OR2L13: variants seen among roughly 807,000 people sequenced by gnomAD.
The protein encoded by OR2L13 is olfactory receptor family 2 subfamily L member 13, also known as olfactory receptor 2L13.
Under a neutral mutation model 15.3 loss-of-function variants are expected in OR2L13, and 14 were observed. The ratio of observed to expected loss-of-function variants is 0.91; its 90% CI spans 0.60 to 1.43. OR2L13 has a LOEUF of 1.43. Among genes scored for constraint, OR2L13 ranks in the 40% most tolerant of loss-of-function variants. The pLI, the probability that OR2L13 is intolerant of heterozygous loss-of-function variation, is 0.00. For missense variants in OR2L13, 367 were observed against 387.9 expected (o/e 0.95, Z 0.45); for synonymous variants, 152 against 142.9 (o/e 1.06, Z -0.45).
chr1:247,980,134 G>A, the OR2L13 span, among the ~76,000 whole-genome samples: 1 of 151,982 alleles, frequency 6.6e-6, no homozygotes, highest in African/African-American at 2.4e-5. Flanking sequence ...GTACATTTAA[G>A]ATACTCTTTG....
the OR2L13 span, chr1:248,013,872 A>C: frequency 4.7e-4 from 71 of 152,304 alleles, no homozygotes; most frequent in African/African-American, 1.4e-3. Context: ...TCTGTTAAGA[A>C]AATTCAGCAG....
the OR2L13 span, chr1:248,013,668 A>G: frequency 1.3e-5 from 2 of 152,192 alleles, no homozygotes; most frequent in Non-Finnish European, 2.9e-5. Context: ...GACTTTGTTC[A>G]TATGATGACT....
At chr1:248,047,617 T>C in the OR2L13 span, among the ~76,000 whole-genome samples, 11 of 152,200 alleles carry the variant, frequency 7.2e-5, no homozygotes, top group Non-Finnish European at 8.8e-5. Context: ...ACTTTTACAA[T>C]GTATTTATTT....
the OR2L13 span, chr1:247,949,027 C>T: frequency 6.2e-7 from 1 of 1,613,770 alleles, no homozygotes; most frequent in Non-Finnish European, 8.5e-7. Context: ...CTCCACACAC[C>T]CATGTATTTC....
chr1:248,067,922 AG>A, the OR2L13 span, among the ~76,000 whole-genome samples: 2 of 152,212 alleles, frequency 1.3e-5, no homozygotes, highest in Non-Finnish European at 2.9e-5. Context: ...TCAAACTGCA[AG>A]GTGGCAGCGA....
the OR2L13 span, among the ~76,000 whole-genome samples, chr1:248,051,855 G>A: frequency 6.6e-6 from 1 of 151,954 alleles, no homozygotes; most frequent in African/African-American, 2.4e-5. Flanking sequence ...AAGTTTTGGA[G>A]GAATTACAAT....
At chr1:247,978,044 G>A in the OR2L13 span, among the ~76,000 whole-genome samples, 2 of 152,126 alleles carry the variant, frequency 1.3e-5, no homozygotes, top group African/African-American at 4.8e-5. Context: ...TGGACTTCCT[G>A]GGTCGGGTGG....
chr1:247,984,298 G>A, the OR2L13 span, among the ~76,000 whole-genome samples: 1 of 151,484 alleles, frequency 6.6e-6, no homozygotes, highest in Non-Finnish European at 1.5e-5. Flanking sequence ...TTAAATATGA[G>A]ATCTGATGTG....
chr1:248,047,175 T>G, the OR2L13 span, among the ~76,000 whole-genome samples: 1 of 152,156 alleles, frequency 6.6e-6, no homozygotes, highest in East Asian at 1.9e-4. Context: ...CAAGTGAAAT[T>G]AAAGAACCCA....
chr1:248,021,575 C>T, the OR2L13 span, among the ~76,000 whole-genome samples: 1 of 152,130 alleles, frequency 6.6e-6, no homozygotes, highest in African/African-American at 2.4e-5. Flanking sequence ...CACTTTATTT[C>T]ATCATGTAGA....
the OR2L13 span, among the ~76,000 whole-genome samples, chr1:247,959,082 G>A: frequency 3.3e-5 from 5 of 152,106 alleles, no homozygotes; most frequent in African/African-American, 9.7e-5. Flanking sequence ...GGCTGGTACC[G>A]GTTGTTCCTT....
the OR2L13 span, among the ~76,000 whole-genome samples, chr1:248,066,504 A>T: frequency 6.6e-6 from 1 of 152,224 alleles, no homozygotes; most frequent in Admixed American, 6.5e-5. Flanking sequence ...ATCACTGAAT[A>T]CTTAGTACTT....
the OR2L13 span, among the ~76,000 whole-genome samples, chr1:248,082,364 G>T: frequency 9.1e-4 from 1 of 1,104 alleles, no homozygotes; most frequent in African/African-American, 2.9e-3. Flanking sequence ...TGGGGGGAGG[G>T]GGGAGGATAG....
At chr1:248,065,843 G>T in the OR2L13 span, among the ~76,000 whole-genome samples, 2 of 144,168 alleles carry the variant, frequency 1.4e-5, no homozygotes, top group African/African-American at 5.9e-5. Context: ...CTGAAAACAT[G>T]TGAGAAATTT....
At chr1:248,072,680 G>C in the OR2L13 span, among the ~76,000 whole-genome samples, 1 of 152,104 alleles carries the variant, frequency 6.6e-6, no homozygotes, top group East Asian at 1.9e-4. Flanking sequence ...TACCATCAGA[G>C]TGAACAGGCA....
exon 3 of OR2L13, chr1:248,100,939 TTATC>T (rs1664846554): frequency 1.3e-5 from 2 of 159,262 alleles, no homozygotes; most frequent in Admixed American, 6.5e-5. Flanking sequence ...ATGTGTTTCT[TTATC>T]TGTTGGCTCA....
chr1:247,949,142 G>T, the OR2L13 span: 1 of 1,614,038 alleles, frequency 6.2e-7, no homozygotes. Flanking sequence ...CCTTCACTGG[G>T]TGTGGGATTC....
At chr1:248,022,907 T>G in the OR2L13 span, 5 of 1,578,122 alleles carry the variant, frequency 3.2e-6, no homozygotes, top group Non-Finnish European at 4.3e-6. Context: ...TGTGTTAGAG[T>G]CAAAGCGCTA....
the OR2L13 span, among the ~76,000 whole-genome samples, chr1:247,994,784 C>G: frequency 1.3e-5 from 2 of 152,074 alleles, no homozygotes; most frequent in Non-Finnish European, 2.9e-5. Flanking sequence ...ATGGAACATG[C>G]TGTATAAGTT....
Sources: allele counts gnomAD v4.1 joint callset (sites outside exome capture counted in the v4.1 genomes callset), GRCh38; gene constraint gnomAD v4.1.1; transcripts MANE v1.5; gene names NCBI Gene and HGNC (gene_info 2026-07-23, HGNC 2026-07-21).